SEC61A2: variants seen among roughly 807,000 people sequenced by gnomAD.
SEC61A2 encodes the protein SEC61 translocon subunit alpha 2.
A neutral mutation model predicts 59.9 loss-of-function variants in SEC61A2; 28 were observed. The observed-to-expected ratio is 0.47, with a 90% CI of 0.35 to 0.64. The LOEUF (loss-of-function observed/expected upper bound fraction) is 0.64, where lower values mean the gene tolerates loss of function less well. Ranked by LOEUF, SEC61A2 falls within the 30% of genes least tolerant of loss-of-function variation. The pLI, the probability that SEC61A2 is intolerant of heterozygous loss-of-function variation, is 0.01. For synonymous variants in SEC61A2, 202 were observed against 214.4 expected (o/e 0.94, Z 0.50); for missense variants, 340 against 585.9 (o/e 0.58, Z 4.33).
downstream of SEC61A2, among the ~76,000 whole-genome samples, chr10:12,168,085 C>T (rs530368694): frequency 9.3e-5 from 14 of 150,898 alleles, no homozygotes; most frequent in Non-Finnish European, 1.5e-4. This position sits in a 1 kb window ranked among gnomAD's most constrained non-coding sequence, Gnocchi z 4.8. Flanking sequence ...AGGGCAATGG[C>T]GTGATCTCGG....
At chr10:12,141,053 C>A (rs141612266) in intron 3 of SEC61A2, among the ~76,000 whole-genome samples, 8 of 152,146 alleles carry the variant, frequency 5.3e-5, no homozygotes, top group African/African-American at 1.9e-4. Context: ...GCACGAGCCG[C>A]CACTCCCTGC....
At chr10:12,163,404 A>C (rs117166898) in intron 11 of SEC61A2, among the ~76,000 whole-genome samples, 7,487 of 145,596 alleles carry the variant, frequency 0.051, 259 homozygotes, top group Non-Finnish European at 0.078. Flanking sequence ...GGCTCACTGC[A>C]ACCTCGACCT....
Position 12,153,712 on chromosome 10 carries a change from C to T in SEC61A2, c.463-2066C>T. 1 of 1,607,916 alleles carries T rather than the reference C, an allele frequency of 6.2e-7. No individual in the cohort carries two copies. Among genetic ancestry groups the T allele is most frequent in the South Asian group, 1.1e-5 (1 of 89,932 alleles). ...GGTGTCATGTTTGATTGTAGGTGGGCAGTGACCCATTGGTGTCTTTTCAAG... is the reference window on the plus strand; with the variant it reads ...GGTGTCATGTTTGATTGTAGGTGGGTAGTGACCCATTGGTGTCTTTTCAAG... On this transcript the variant is annotated intron_variant, in intron 6 of 11. Coordinates refer to ENST00000298428, the MANE Select transcript of SEC61A2 (RefSeq NM_018144.4). This position sits in a 1 kb window ranked among gnomAD's most constrained non-coding sequence, Gnocchi z 5.2.
chr10:12,151,152 C>T (rs183264234), intron 6 of SEC61A2, among the ~76,000 whole-genome samples: 10 of 151,210 alleles, frequency 6.6e-5, no homozygotes, highest in Non-Finnish European at 1.2e-4. Flanking sequence ...AGATAAATTA[C>T]CCAAGAACAG....
Position 12,157,984 on chromosome 10 carries a change from A to G in SEC61A2, c.854A>G (p.Tyr285Cys). 6.2e-7 allele frequency: 1 copy of G among 1,613,992 alleles called. No homozygotes were observed. Among genetic ancestry groups the G allele is most frequent in the Non-Finnish European group, 8.5e-7 (1 of 1,179,990 alleles). Residue 285 changes from tyrosine (Y) to cysteine (C), a missense_variant, in exon 9 of 12, where the codon TAC becomes TGC. Tyr to Cys is a radical substitution (Grantham distance 194, BLOSUM62 -2). This residue lies in a region of SEC61A2 where 283 missense variants were observed against 483.2 expected (regional missense o/e 0.59). Coordinates refer to ENST00000298428, the MANE Select transcript of SEC61A2 (RefSeq NM_018144.4). Reference protein sequence around the residue: ...QYSSYPIKLFYTSNIPIILQS... With the variant: ...QYSSYPIKLFCTSNIPIILQS... ...AGCAGCTACCCCATCAAACTCTTCTACACCTCCAACATCCCCATCATCCTC... is the reference window on the plus strand; with the variant it reads ...AGCAGCTACCCCATCAAACTCTTCTGCACCTCCAACATCCCCATCATCCTC...
In SEC61A2 at chr10:12,155,148, G is replaced by A. The variant is rs114360197; in HGVS notation, c.463-630G>A. Among the ~76,000 whole-genome samples the A allele has an allele frequency of 2.7e-3, 410 of 152,184 alleles. 2 individuals carry two copies. Among genetic ancestry groups the A allele is most frequent in the African/African-American group, 9.3e-3 (386 of 41,528 alleles). The stretch of plus-strand genomic sequence containing the variant: ...AAACAATATGAGCTTAACCTTAACC[G>A]TCTTCAAATTTACATTCAATCTTTG... On this transcript the variant is annotated intron_variant, in intron 6 of 11. Coordinates refer to ENST00000298428, the MANE Select transcript of SEC61A2 (RefSeq NM_018144.4). This position sits in a 1 kb window ranked among gnomAD's most constrained non-coding sequence, Gnocchi z 4.3.
intron 3 of SEC61A2, among the ~76,000 whole-genome samples, chr10:12,138,667 G>A (rs957991576): frequency 3.9e-5 from 6 of 152,182 alleles, no homozygotes; most frequent in African/African-American, 1.2e-4. Context: ...ATCTTTTTGA[G>A]ATTAATTCAT....
chr10:12,161,439 C>T lies in SEC61A2; in HGVS notation c.1167+318C>T, dbSNP rs1834525531. 6.6e-6 allele frequency among the ~76,000 whole-genome samples: 1 copy of T among 151,904 alleles called. No individual in the cohort carries two copies. Among genetic ancestry groups the T allele is most frequent in the Non-Finnish European group, 1.5e-5 (1 of 67,978 alleles). ...TCCAGCCTGGGTGACAGAGCGAGAT[C>T]CTGTCTCAAAAAAATAAAAAAGGCC... On this transcript the variant is annotated intron_variant, in intron 10 of 11. Transcript: ENST00000298428. This position sits in a 1 kb window ranked among gnomAD's most constrained non-coding sequence, Gnocchi z 5.4.
chr10:12,163,312 CTTTTTTTTTTTT>C (rs3060465), intron 11 of SEC61A2, among the ~76,000 whole-genome samples: 4 of 68,586 alleles, frequency 5.8e-5, no homozygotes, highest in Non-Finnish European at 7.7e-5. Context: ...GGCCAGCTAG[CTTTTTTTTTTTT>C]TTTTTTTTTT....
chr10:12,131,350 C>G (rs1277167244), intron 1 of SEC61A2, among the ~76,000 whole-genome samples: 3 of 152,128 alleles, frequency 2.0e-5, no homozygotes, highest in African/African-American at 7.2e-5. Flanking sequence ...GCCGCAGAGC[C>G]TAACTAATAC....
intron 1 of SEC61A2, among the ~76,000 whole-genome samples, chr10:12,131,939 C>T (rs74513559): frequency 0.99 from 2,507 of 2,538 alleles, 1,238 homozygotes; most frequent in Middle Eastern, 1. Context: ...TCAAGTGATC[C>T]GCCTTTCTCG....
At chr10:12,167,661 G>A (rs746296802), downstream of SEC61A2, 2 of 1,579,054 alleles carry the variant, frequency 1.3e-6, no homozygotes, top group Middle Eastern at 1.7e-4. Context: ...AAGAAGGCCT[G>A]GTGGTCTCGT....
At chr10:12,132,647 G>A (rs1485274807) in intron 1 of SEC61A2, among the ~76,000 whole-genome samples, 1 of 131,888 alleles carries the variant, frequency 7.6e-6, no homozygotes, top group Non-Finnish European at 1.8e-5. Flanking sequence ...TATAGGAGGT[G>A]ATTCCATGAT....
At position 12,162,975 on chromosome 10, in the gene SEC61A2, G is replaced by A. The variant is rs1436349353; in HGVS notation, c.1244+686G>A. Among the ~76,000 whole-genome samples, 2 of 152,118 alleles carry A rather than the reference G, an allele frequency of 1.3e-5. No homozygotes were observed. Among genetic ancestry groups the A allele is most frequent in the African/African-American group, 2.4e-5 (1 of 41,434 alleles). Reference sequence around the variant, plus strand: ...TTCTTTTCATGAATAATATTCAATTGTAGGGCTTTACCACACTTTATCAGT... The same window carrying A: ...TTCTTTTCATGAATAATATTCAATTATAGGGCTTTACCACACTTTATCAGT... On this transcript the variant is annotated intron_variant, in intron 11 of 11. Coordinates refer to ENST00000298428, the MANE Select transcript of SEC61A2 (RefSeq NM_018144.4). This position sits in a 1 kb window ranked among gnomAD's most constrained non-coding sequence, Gnocchi z 6.1.
At position 12,129,682 on chromosome 10, in the gene SEC61A2, G is replaced by T. The variant is rs1157043669; in HGVS notation, c.-106G>T. The T allele has an allele frequency of 3.5e-6, 4 of 1,141,914 alleles. No homozygotes were observed. Among genetic ancestry groups the T allele is most frequent in the Non-Finnish European group, 4.9e-6 (4 of 819,352 alleles). The allele number at this position is 1,141,914 out of a possible 1,614,324, so 70.7% of individuals were successfully genotyped here. A position where few individuals can be genotyped will look rare whatever the true frequency, so the allele number is the denominator to read the frequency against. On this transcript the variant is annotated 5_prime_UTR_variant, in exon 1 of 12. Transcript: ENST00000298428. This position sits in a 1 kb window ranked among gnomAD's most constrained non-coding sequence, Gnocchi z 5.6. ...CGGGGTTGGGCGGAGCCTGCGCGGG[G>T]CCGGTAGGATCGCGTCGGGAGCCGG...
At chr10:12,163,311 G>A (rs1834572171) in intron 11 of SEC61A2, among the ~76,000 whole-genome samples, 1 of 110,600 alleles carries the variant, frequency 9.0e-6, no homozygotes, top group Non-Finnish European at 1.7e-5. Context: ...CGGCCAGCTA[G>A]CTTTTTTTTT....
At position 12,129,766 on chromosome 10, in the gene SEC61A2, CT is replaced by C. The variant is rs915343874; in HGVS notation, c.-21del. 5.4e-6 allele frequency: 8 copies of C among 1,488,274 alleles called. No homozygotes were observed. The highest frequency in any genetic ancestry group is 2.3e-5 in the Admixed American group (1 of 42,992). 92.2% of individuals were successfully genotyped at this position (1,488,274 alleles called of 1,614,324 possible). On this transcript the variant is annotated 5_prime_UTR_variant, in exon 1 of 12. Coordinates refer to ENST00000298428, the MANE Select transcript of SEC61A2 (RefSeq NM_018144.4). This position sits in a 1 kb window ranked among gnomAD's most constrained non-coding sequence, Gnocchi z 5.6. ...GCAGCGCCGAGGCCGCGGTTTCCCCCTGGGCCTCCCCAGCAGCAGCCATGGG... is the reference window on the plus strand; with the variant it reads ...GCAGCGCCGAGGCCGCGGTTTCCCCCGGGCCTCCCCAGCAGCAGCCATGGG...
chr10:12,144,384 A>G (rs568098358), intron 4 of SEC61A2, among the ~76,000 whole-genome samples: 1 of 152,158 alleles, frequency 6.6e-6, no homozygotes, highest in Admixed American at 6.5e-5. Flanking sequence ...TGTATATACT[A>G]TTCTGCTACT....
At chr10:12,140,821 C>T (rs903483683) in intron 3 of SEC61A2, among the ~76,000 whole-genome samples, 2 of 151,808 alleles carry the variant, frequency 1.3e-5, no homozygotes, top group East Asian at 1.9e-4. Context: ...AGGATGATCT[C>T]GATTTCCTGA....
Sources: allele counts gnomAD v4.1 joint callset (sites outside exome capture counted in the v4.1 genomes callset), GRCh38; gene constraint gnomAD v4.1.1; regional missense constraint gnomAD v4.1.1; non-coding constraint Gnocchi (gnomAD v3.1); transcripts MANE v1.5; gene names NCBI Gene and HGNC (gene_info 2026-07-23, HGNC 2026-07-21).